Variants in SPG11 observed in about 807,000 individuals in gnomAD.
The protein encoded by SPG11 is spatacsin.
In SPG11, 222 loss-of-function variants were observed where a neutral mutation model predicts 274.0. That is an observed-to-expected ratio of 0.81 (90% CI 0.73 to 0.91). The LOEUF (loss-of-function observed/expected upper bound fraction) is 0.91, where lower values mean the gene tolerates loss of function less well. Among genes scored for constraint, SPG11 ranks in the 40% least tolerant of loss-of-function variants. The pLI is 0.00. For missense variants in SPG11, 3,114 were observed against 2,872.7 expected (o/e 1.08, Z -1.92); for synonymous variants, 1,144 against 1,039.7 (o/e 1.10, Z -1.93).
At chr15:44,599,693 C>A (rs1043119967) in intron 21 of SPG11, among the ~76,000 whole-genome samples, 2 of 152,018 alleles carry the variant, frequency 1.3e-5, no homozygotes, top group African/African-American at 4.8e-5. Flanking sequence ...GAATACTTTA[C>A]CATAAAAAAG....
chr15:44,650,573 C>G (rs2084739592), intron 6 of SPG11, among the ~76,000 whole-genome samples: 1 of 150,460 alleles, frequency 6.6e-6, no homozygotes, highest in African/African-American at 2.4e-5. Flanking sequence ...TTGTGGTGAG[C>G]CAAGATCGCA....
At chr15:44,608,656 A>C in intron 18 of SPG11, 51 bp from the exon 19 acceptor site, 2 of 1,582,964 alleles carry the variant, frequency 1.3e-6, no homozygotes, top group Non-Finnish European at 1.7e-6. Context: ...TTCTCTTCTC[A>C]AAGTTTCTTT....
chr15:44,620,658 CCAAGTAG>C, intron 14 of SPG11: 1 of 420,850 alleles, frequency 2.4e-6, no homozygotes, highest in Non-Finnish European at 4.3e-6. Context: ...CTTCAGCTGC[CCAAGTAG>C]CAGGGACTAC....
At chr15:44,656,176 A>G (rs988025664) in intron 4 of SPG11, among the ~76,000 whole-genome samples, 1 of 152,130 alleles carries the variant, frequency 6.6e-6, no homozygotes, top group Admixed American at 6.5e-5. Context: ...TTAAAAATAC[A>G]GTTGTAAAGA....
intron 20 of SPG11, among the ~76,000 whole-genome samples, chr15:44,601,966 G>A (rs1188974739): frequency 6.6e-6 from 1 of 152,118 alleles, no homozygotes; most frequent in Non-Finnish European, 1.5e-5. Context: ...GAAGTATTTT[G>A]TGTTCTATTA....
At chr15:44,640,532 G>T (rs2141076494) in intron 7 of SPG11, among the ~76,000 whole-genome samples, 1 of 152,048 alleles carries the variant, frequency 6.6e-6, no homozygotes, top group East Asian at 1.9e-4. Flanking sequence ...AAAGATTAAG[G>T]AACAGACAAC....
chr15:44,586,025 C>T (rs2082757146), intron 28 of SPG11, among the ~76,000 whole-genome samples, 175 bp from the exon 29 acceptor site: 1 of 131,768 alleles, frequency 7.6e-6, no homozygotes, highest in Non-Finnish European at 1.5e-5. Flanking sequence ...CTCACTGTCA[C>T]CTAGGCTGGA....
At chr15:44,660,721 C>T in intron 1 of SPG11, 105 bp from the exon 2 acceptor site, 1 of 1,019,916 alleles carries the variant, frequency 9.8e-7, no homozygotes, top group South Asian at 1.3e-5. Flanking sequence ...TTTAGTTGAC[C>T]TGGTATAGTC....
chr15:44,606,245 A>C lies in SPG11; in HGVS notation c.3454-154T>G, dbSNP rs1234576611. On this transcript the variant is annotated intron_variant, in intron 19 of 39. Transcript: ENST00000261866. ...ACATAAATTCTTTGAACACAGCTAA[A>C]AATAAAATAGAATTATGACATATCT... 3.0e-5 allele frequency: 19 copies of C among 628,128 alleles called. No homozygotes were observed. The Admixed American group carries it at 5.1e-4, about 17-fold the overall frequency. The allele number at this position is 628,128 out of a possible 1,614,324, so 38.9% of individuals were successfully genotyped here. A position where few individuals can be genotyped will look rare whatever the true frequency, so the allele number is the denominator to read the frequency against.
intron 4 of SPG11, among the ~76,000 whole-genome samples, chr15:44,656,657 G>A (rs1015510383): frequency 1.3e-5 from 2 of 152,160 alleles, no homozygotes; most frequent in African/African-American, 4.8e-5. Context: ...CCTAGGGTAT[G>A]GCTGTGGAGG....
intron 4 of SPG11, among the ~76,000 whole-genome samples, chr15:44,656,600 T>C (rs2084947761): frequency 1.3e-5 from 2 of 152,150 alleles, no homozygotes; most frequent in African/African-American, 2.4e-5. Context: ...GACTGAGATG[T>C]AAAAAGTAGT....
rs562129862 is a variant in SPG11, at chr15:44,596,711, A to G, written c.4161+73T>C. The G allele has an allele frequency of 1.1e-5, 16 of 1,473,714 alleles. No homozygotes were observed. The African/African-American group carries it at 2.1e-4, about 19-fold the overall frequency. 91.3% of individuals were successfully genotyped at this position (1,473,714 alleles called of 1,614,324 possible). A position where few individuals can be genotyped will look rare whatever the true frequency, so the allele number is the denominator to read the frequency against. ...AAAAAGGCCTATGTCATGTCTACACAACAGAAAGAATGCTATCTTCTAAGA... is the reference window on the plus strand; with the variant it reads ...AAAAAGGCCTATGTCATGTCTACACGACAGAAAGAATGCTATCTTCTAAGA... On this transcript the variant is annotated intron_variant, in intron 24 of 39. Coordinates refer to ENST00000261866, the MANE Select transcript of SPG11 (RefSeq NM_025137.4).
chr15:44,573,581 C>T lies in SPG11; in HGVS notation c.6171G>A (p.Val2057=). The part of the protein sequence containing the change: ...DTVAELVAEE[V]TRELLTSSQG... ...GTGATGAAGTAAGCAGCTCCCGTGT[C>T]ACCTCTTCTGCCACGAGTTCAGCCA... is the stretch of plus-strand genomic sequence containing the variant. Residue 2057 remains valine, a synonymous_variant, in exon 32 of 40, where the codon GTG becomes GTA. Transcript: ENST00000261866. 1 of 1,614,166 alleles carries T rather than the reference C, an allele frequency of 6.2e-7. No individual in the cohort carries two copies. The highest frequency in any genetic ancestry group is 8.5e-7 in the Non-Finnish European group (1 of 1,180,022).
rs373742527 is a variant in SPG11, at chr15:44,657,308, A to T, written c.668-12T>A. 3.1e-6 allele frequency: 5 copies of T among 1,613,640 alleles called. No homozygotes were observed. In the African/African-American group the frequency reaches 6.7e-5, roughly 22 times the overall value. On this transcript the variant is annotated splice_polypyrimidine_tract_variant and intron_variant, in intron 3 of 39. Transcript: ENST00000261866. ...AACATCAAAAATGTCTTTTAGTTAG[A>T]GTTAAAAGAAAATGCCAGTTTTGTA...
intron 16 of SPG11, among the ~76,000 whole-genome samples, chr15:44,614,214 T>C (rs1196214673): frequency 1.3e-5 from 2 of 152,096 alleles, no homozygotes; most frequent in Non-Finnish European, 2.9e-5. Context: ...AAAATACAAC[T>C]TCTCTTGGAA....
At chr15:44,638,415 G>A (rs922097727) in intron 7 of SPG11, among the ~76,000 whole-genome samples, 3 of 151,730 alleles carry the variant, frequency 2.0e-5, no homozygotes, top group Non-Finnish European at 2.9e-5. Context: ...AGCCAAGATC[G>A]TGCCACCTGC....
chr15:44,656,148 G>A (rs1009784959), intron 4 of SPG11, among the ~76,000 whole-genome samples: 2 of 152,166 alleles, frequency 1.3e-5, no homozygotes, highest in Non-Finnish European at 2.9e-5. Context: ...ATGGAGGTTT[G>A]AGGAAAACAG....
At position 44,604,931 on chromosome 15, in the gene SPG11, C is replaced by CAAAA. The variant is rs908048525; in HGVS notation, c.3520+1090_3520+1093dup. The stretch of plus-strand genomic sequence containing the variant: ...CCTGGGCGGAACAAGACTCCATCTC[C>CAAAA]AAAAAAAAAAAAAAAAAAAAAAAAA... On this transcript the variant is annotated intron_variant, in intron 20 of 39. Transcript: ENST00000261866. Among the ~76,000 whole-genome samples, 14 of 22,490 alleles carry CAAAA rather than the reference C, an allele frequency of 6.2e-4. 1 individual carries two copies. The highest frequency in any genetic ancestry group is 2.1e-3 in the African/African-American group (11 of 5,132). 14.8% of individuals were successfully genotyped at this position (22,490 alleles called of 152,430 possible).
At chr15:44,626,307 G>A in intron 11 of SPG11, 24 bp downstream of exon 11, 1 of 1,580,392 alleles carries the variant, frequency 6.3e-7, no homozygotes, top group Non-Finnish European at 8.6e-7. Flanking sequence ...TACATTTTAA[G>A]ACTTTATGGA....
Sources: gnomAD v4.1 joint callset for allele counts (sites outside exome capture counted in the v4.1 genomes callset) on GRCh38, gnomAD v4.1.1 for gene constraint, MANE v1.5 for transcripts, NCBI Gene and HGNC (gene_info 2026-07-23, HGNC 2026-07-21) for gene names.